DOK4: variants seen among roughly 807,000 people sequenced by gnomAD.
DOK4 encodes downstream of tyrosine kinase 4.
A neutral mutation model predicts 40.1 loss-of-function variants in DOK4; 26 were observed. That is an observed-to-expected ratio of 0.65 (90% CI 0.48 to 0.90). DOK4 has a LOEUF of 0.90. Among genes scored for constraint, DOK4 ranks in the 40% least tolerant of loss-of-function variants. The pLI is 0.00. For synonymous variants in DOK4, 179 were observed against 177.0 expected, an observed-to-expected ratio of 1.01 and a Z score of -0.09; for missense variants, 392 against 437.2, an observed-to-expected ratio of 0.90 and a Z score of 0.92.
chr16:57,478,039 G>A (rs1471441886), intron 2 of DOK4, among the ~76,000 whole-genome samples: 2 of 152,240 alleles, frequency 1.3e-5, no homozygotes, highest in Admixed American at 6.5e-5. Flanking sequence ...CCTCAGCCCA[G>A]CTGGCCCCTG....
At chr16:57,473,946 T>G (rs1429869169) in exon 7 of DOK4, 2 of 1,611,614 alleles carry the variant, frequency 1.2e-6, no homozygotes, top group African/African-American at 2.7e-5. Flanking sequence ...TGTGCTGCTC[T>G]GCGATGGCCA....
rs569998695 is a variant in DOK4, at chr16:57,485,967, C to G, written c.-182+338G>C. On this transcript the variant is annotated intron_variant, in intron 1 of 8. Coordinates refer to ENST00000340099, the Ensembl canonical transcript of DOK4. The surrounding 1 kb of genome is among the most constrained non-coding windows in gnomAD (Gnocchi z 4.3). ...AGAGAAGGTTGGGAGCTGCCAGGGG[C>G]TGGGTTATGCCCCTTCCGGGGGGGC... Among the ~76,000 whole-genome samples the G allele has an allele frequency of 7.4e-4, 113 of 152,264 alleles. No homozygotes were observed. Among genetic ancestry groups the G allele is most frequent in the Non-Finnish European group, 1.4e-3 (98 of 68,006 alleles).
intron 4 of DOK4, 66 bp from the exon 5 acceptor site, chr16:57,475,285 G>A: frequency 6.3e-7 from 1 of 1,576,000 alleles, no homozygotes; most frequent in Non-Finnish European, 8.6e-7. Context: ...TGCCCAGCCT[G>A]ACTTATGCCA....
At chr16:57,482,562 T>C (rs183829026) in intron 1 of DOK4, among the ~76,000 whole-genome samples, 1 of 151,736 alleles carries the variant, frequency 6.6e-6, no homozygotes, top group East Asian at 1.9e-4. Flanking sequence ...AAAGACGGGG[T>C]TTCACCGTGT....
chr16:57,479,779 A>G lies in DOK4; in HGVS notation c.-181-91T>C. On this transcript the variant is annotated intron_variant, in intron 1 of 8. Coordinates refer to ENST00000340099, the Ensembl canonical transcript of DOK4. The surrounding 1 kb of genome is among the most constrained non-coding windows in gnomAD (Gnocchi z 5.8). ...TCTCTTTTTTCCTTCCTCTTCCCAC[A>G]CTCCTCCTCTCTCCCTCTTCCCTCC... 3.0e-6 allele frequency: 1 copy of G among 328,680 alleles called. No individual in the cohort carries two copies. Among genetic ancestry groups the G allele is most frequent in the South Asian group, 4.2e-5 (1 of 23,820 alleles). 20.4% of individuals were successfully genotyped at this position (328,680 alleles called of 1,614,324 possible).
chr16:57,479,709 G>A lies in DOK4; in HGVS notation c.-181-21C>T. ...GCCTGCTGGAAATAAAAATGACAGG[G>A]AGATTAGAGACAGTGACATCTTTCT... On this transcript the variant is annotated intron_variant, in intron 1 of 8. Transcript: ENST00000340099. The surrounding 1 kb of genome is among the most constrained non-coding windows in gnomAD (Gnocchi z 5.8). 1.9e-6 allele frequency: 1 copy of A among 530,660 alleles called. No individual in the cohort carries two copies. Among genetic ancestry groups the A allele is most frequent in the Non-Finnish European group, 3.4e-6 (1 of 297,712 alleles). The allele number at this position is 530,660 out of a possible 1,614,324, so 32.9% of individuals were successfully genotyped here.
chr16:57,485,241 C>T lies in DOK4; in HGVS notation c.-182+1064G>A, dbSNP rs2031512602. 6.6e-6 allele frequency among the ~76,000 whole-genome samples: 1 copy of T among 152,236 alleles called. No homozygotes were observed. Among genetic ancestry groups the T allele is most frequent in the South Asian group, 2.1e-4 (1 of 4,836 alleles). Reference sequence around the variant, plus strand: ...TCAGGGAAGAGCATGCTGCTGACATCGAGGCCAGGCCTAGTTGGGCGGCCC... The same window carrying T: ...TCAGGGAAGAGCATGCTGCTGACATTGAGGCCAGGCCTAGTTGGGCGGCCC... On this transcript the variant is annotated intron_variant, in intron 1 of 8. Transcript: ENST00000340099. The surrounding 1 kb of genome is among the most constrained non-coding windows in gnomAD (Gnocchi z 4.3).
intron 1 of DOK4, among the ~76,000 whole-genome samples, chr16:57,483,101 T>G (rs1209547435): frequency 6.6e-6 from 1 of 152,142 alleles, no homozygotes; most frequent in African/African-American, 2.4e-5. Flanking sequence ...TAGTCCCTAA[T>G]GATGTTTGCA....
In DOK4 at chr16:57,475,566, G is replaced by A. The variant is rs200606635; in HGVS notation, c.229C>T (p.Arg77Trp). ...GTGAATATGATGGCCACCGCCTGCC[G>A]CTTGGTCTCCTTGGGGAGCCGCGTA... The change falls in exon 4 of 9, where the codon CGG becomes TGG. Residue 77 changes from arginine (R) to tryptophan (W), a missense_variant. Arg to Trp is a moderately radical substitution (Grantham distance 101). Coordinates refer to ENST00000340099, the Ensembl canonical transcript of DOK4. 2.5e-6 allele frequency: 4 copies of A among 1,609,846 alleles called. No homozygotes were observed. The highest frequency in any genetic ancestry group is 1.3e-5 in the African/African-American group (1 of 74,826).
chr16:57,472,987 T>G (rs895157898), exon 9 of DOK4: 9 of 175,790 alleles, frequency 5.1e-5, no homozygotes, highest in African/African-American at 1.2e-4. Context: ...AGGAGGGCTG[T>G]GCCATGGAGG....
At chr16:57,473,948 C>T (rs1422790855) in exon 7 of DOK4, 5 of 1,608,290 alleles carry the variant, frequency 3.1e-6, no homozygotes, top group African/African-American at 1.3e-5. Flanking sequence ...TGCTGCTCTG[C>T]GATGGCCAGG....
chr16:57,482,162 C>A (rs1325761868), intron 1 of DOK4, among the ~76,000 whole-genome samples: 1 of 151,418 alleles, frequency 6.6e-6, no homozygotes, highest in Non-Finnish European at 1.5e-5. Flanking sequence ...CTGCGCCCGG[C>A]CTTCTTTTTC....
intron 1 of DOK4, among the ~76,000 whole-genome samples, chr16:57,482,364 T>G (rs2031438548): frequency 3.7e-5 from 1 of 26,690 alleles, no homozygotes; most frequent in Admixed American, 3.1e-4. Flanking sequence ...GGGGCTTTTG[T>G]TTTTTTTTTT....
At chr16:57,471,932 A>C (rs1265181580), downstream of DOK4, 1 of 152,718 alleles carries the variant, frequency 6.5e-6, no homozygotes. Flanking sequence ...TACAGAAAGG[A>C]AAGGATATTT....
Position 57,475,259 on chromosome 16 carries a change from G to A in DOK4, c.290-40C>T, listed in dbSNP as rs201262469. On this transcript the variant is annotated intron_variant, in intron 4 of 8. Coordinates refer to ENST00000340099, the Ensembl canonical transcript of DOK4. ...ACTTCATCATGCAGCTCCAGAGCCC[G>A]GTAGCCCACCCCGTCTGCCCAGCCT... 297 of 1,593,984 alleles carry A rather than the reference G, an allele frequency of 1.9e-4. No homozygotes were observed. In the East Asian group the frequency reaches 5.9e-3, roughly 32 times the overall value.
chr16:57,483,196 C>A (rs2031463159), intron 1 of DOK4, among the ~76,000 whole-genome samples: 1 of 152,144 alleles, frequency 6.6e-6, no homozygotes, highest in Admixed American at 6.5e-5. Flanking sequence ...ATAGGTGGAC[C>A]CACAAATTTG....
At chr16:57,475,106 G>C in exon 5 of DOK4, 2 of 1,613,442 alleles carry the variant, frequency 1.2e-6, no homozygotes, top group African/African-American at 1.3e-5. Context: ...TCACCTGTCT[G>C]TTCACACTGC....
In DOK4 at chr16:57,476,044, G is replaced by T. The variant is rs2074545; in HGVS notation, c.67-87C>A. ...CCTGCAGCCACCCCTGCCTGCCACA[G>T]GGGGCGGTGCCGCACAGCCTTCCCT... On this transcript the variant is annotated intron_variant, in intron 2 of 8. Transcript: ENST00000340099. The T allele has an allele frequency of 1.2e-5, 14 of 1,178,320 alleles. No homozygotes were observed. In the African/African-American group the frequency reaches 1.4e-4, roughly 11 times the overall value. 73.0% of individuals were successfully genotyped at this position (1,178,320 alleles called of 1,614,324 possible). A position where few individuals can be genotyped will look rare whatever the true frequency, so the allele number is the denominator to read the frequency against.
At chr16:57,482,256 G>A (rs2031435624) in intron 1 of DOK4, among the ~76,000 whole-genome samples, 1 of 152,102 alleles carries the variant, frequency 6.6e-6, no homozygotes, top group Admixed American at 6.5e-5. Context: ...CAACCACCCA[G>A]GCTCAAGTGA....
Sources: allele counts gnomAD v4.1 joint callset (sites outside exome capture counted in the v4.1 genomes callset), GRCh38; gene constraint gnomAD v4.1.1; non-coding constraint Gnocchi (gnomAD v3.1); transcripts MANE v1.5; gene names NCBI Gene and HGNC (gene_info 2026-07-23, HGNC 2026-07-21).